Variants in GABRG3 observed in about 807,000 individuals in gnomAD.
GABRG3 encodes gamma-aminobutyric acid type A receptor subunit gamma3.
In GABRG3, 25 loss-of-function variants were observed where a neutral mutation model predicts 48.8. The ratio of observed to expected loss-of-function variants is 0.51; its 90% CI spans 0.37 to 0.72. GABRG3 has a LOEUF of 0.72. Ranked by LOEUF, GABRG3 falls within the 30% of genes least tolerant of loss-of-function variation. The pLI, the probability that GABRG3 is intolerant of heterozygous loss-of-function variation, is 0.00. For synonymous variants in GABRG3, 227 were observed against 217.6 expected, an observed-to-expected ratio of 1.04 and a Z score of -0.38; for missense variants, 394 against 577.9, an observed-to-expected ratio of 0.68 and a Z score of 3.26.
chr15:27,429,629 T>C (rs1888390622), intron 5 of GABRG3, among the ~76,000 whole-genome samples: 1 of 152,212 alleles, frequency 6.6e-6, no homozygotes, highest in Non-Finnish European at 1.5e-5. Context: ...TTGAATTTGC[T>C]TCCTTTCAGA....
At chr15:27,454,998 A>G (rs1353837069) in intron 5 of GABRG3, among the ~76,000 whole-genome samples, 3 of 152,232 alleles carry the variant, frequency 2.0e-5, no homozygotes, top group Non-Finnish European at 4.4e-5. Context: ...TTTGACTTCA[A>G]TAAACATAGG....
At chr15:27,464,614 C>G (rs1889547437) in intron 5 of GABRG3, among the ~76,000 whole-genome samples, 3 of 152,160 alleles carry the variant, frequency 2.0e-5, no homozygotes, top group South Asian at 2.1e-4. Flanking sequence ...TTTTCCCTAA[C>G]CCCTCAAATA....
chr15:27,275,616 T>C (rs1455992160), intron 3 of GABRG3, among the ~76,000 whole-genome samples: 1 of 152,194 alleles, frequency 6.6e-6, no homozygotes, highest in Non-Finnish European at 1.5e-5. Flanking sequence ...GGACTGAATT[T>C]CTGATGGTTC....
At chr15:27,171,507 C>CATATATATGT (rs1555407521) in intron 3 of GABRG3, among the ~76,000 whole-genome samples, 4 of 144,338 alleles carry the variant, frequency 2.8e-5, no homozygotes, top group Admixed American at 7.0e-5. Context: ...GCATGTCTAA[C>CATATATATGT]ATATATATAT....
At chr15:27,424,793 G>A (rs113299736) in intron 5 of GABRG3, among the ~76,000 whole-genome samples, 6,787 of 152,144 alleles carry the variant, frequency 0.045, 176 homozygotes, top group Middle Eastern at 0.11. Context: ...ACTTCAGGTA[G>A]TCTGCCCGTC....
rs528068535 is a variant in GABRG3, at chr15:27,108,412, T to C, written c.270+81591T>C. Among the ~76,000 whole-genome samples, 11 of 152,322 alleles carry C rather than the reference T, an allele frequency of 7.2e-5. No homozygotes were observed. In the East Asian group the frequency reaches 2.1e-3, roughly 29 times the overall value. ...TCCATCATGGACTGAGAATAGACTT[T>C]GTATGATTTCTGTTCTTGTAAGTGT... On this transcript the variant is annotated intron_variant, in intron 3 of 9. Coordinates refer to ENST00000615808, the MANE Select transcript of GABRG3 (RefSeq NM_033223.5).
intron 3 of GABRG3, among the ~76,000 whole-genome samples, chr15:27,028,790 A>T (rs1896028305): frequency 7.6e-6 from 1 of 131,560 alleles, no homozygotes; most frequent in Non-Finnish European, 1.6e-5. Flanking sequence ...TGGGTGACAG[A>T]GCTAGACTTC....
In GABRG3 at chr15:27,385,127, C is replaced by G. The variant is rs113368617; in HGVS notation, c.574+56239C>G. Among the ~76,000 whole-genome samples, 1,006 of 152,196 alleles carry G rather than the reference C, an allele frequency of 6.6e-3. 5 individuals are homozygous for G. The highest frequency in any genetic ancestry group is 0.012 in the Non-Finnish European group (800 of 68,016). On this transcript the variant is annotated intron_variant, in intron 5 of 9. Transcript: ENST00000615808. ...CTTCCTGACTCTGGAGTGGTCACCCCTCCTAGGGTTATTTAGCTAATTCTT... is the reference window on the plus strand; with the variant it reads ...CTTCCTGACTCTGGAGTGGTCACCCGTCCTAGGGTTATTTAGCTAATTCTT...
chr15:27,390,615 G>A (rs1351062357), intron 5 of GABRG3, among the ~76,000 whole-genome samples: 1 of 152,134 alleles, frequency 6.6e-6, no homozygotes, highest in African/African-American at 2.4e-5. Flanking sequence ...CTCTCAGCAC[G>A]TCCCTCCCAT....
intron 5 of GABRG3, among the ~76,000 whole-genome samples, chr15:27,413,640 G>A (rs1187958148): frequency 1.3e-5 from 2 of 152,108 alleles, no homozygotes; most frequent in Admixed American, 6.5e-5. Flanking sequence ...AGATCAGTGT[G>A]TATAAGTTGT....
chr15:27,271,478 T>C (rs1891086305), intron 3 of GABRG3: 2 of 449,696 alleles, frequency 4.4e-6, no homozygotes, highest in Non-Finnish European at 8.9e-6. Context: ...GCTCAGGCCA[T>C]GCCCTCAGAG....
At chr15:27,468,706 C>T (rs923123005) in intron 5 of GABRG3, among the ~76,000 whole-genome samples, 1 of 152,118 alleles carries the variant, frequency 6.6e-6, no homozygotes, top group Non-Finnish European at 1.5e-5. Context: ...TTTTATTTGA[C>T]TTAATGATCC....
At chr15:27,356,301 A>C (rs1894838043) in intron 5 of GABRG3, among the ~76,000 whole-genome samples, 1 of 152,168 alleles carries the variant, frequency 6.6e-6, no homozygotes, top group Admixed American at 6.5e-5. Flanking sequence ...GTGTAACCAA[A>C]GTTGACCTCT....
rs994278157 is a variant in GABRG3, at chr15:27,083,468, G to A, written c.270+56647G>A. Among the ~76,000 whole-genome samples, 3 of 151,996 alleles carry A rather than the reference G, an allele frequency of 2.0e-5. No individual in the cohort carries two copies. In the South Asian group the frequency reaches 6.3e-4, roughly 32 times the overall value. On this transcript the variant is annotated intron_variant, in intron 3 of 9. Coordinates refer to ENST00000615808, the MANE Select transcript of GABRG3 (RefSeq NM_033223.5). ...CTGCCTCAGCCTCCTGAGTAGCTGG[G>A]ATTACAGGCACACACCATCATGCCT... is the stretch of plus-strand genomic sequence containing the variant.
At chr15:27,001,443 C>T (rs1184073616) in intron 2 of GABRG3, among the ~76,000 whole-genome samples, 3 of 152,246 alleles carry the variant, frequency 2.0e-5, no homozygotes, top group Non-Finnish European at 4.4e-5. Flanking sequence ...CTCCCGCACA[C>T]AATGCCACTC....
rs1894838169 is a variant in GABRG3, at chr15:26,971,383, G to A, written c.-153G>A. On this transcript the variant is annotated 5_prime_UTR_variant, in exon 1 of 10. Coordinates refer to ENST00000615808, the MANE Select transcript of GABRG3 (RefSeq NM_033223.5). Reference sequence around the variant, plus strand: ...TCCAGTGTGCGCCCCGCGGGGGCGCGGCCAGCGCCAGAGTAGATACCTGTC... The same window carrying A: ...TCCAGTGTGCGCCCCGCGGGGGCGCAGCCAGCGCCAGAGTAGATACCTGTC... 1.3e-5 allele frequency: 6 copies of A among 471,310 alleles called. No homozygotes were observed. In the South Asian group the frequency reaches 4.7e-4, roughly 37 times the overall value. The allele number at this position is 471,310 out of a possible 1,614,324, so 29.2% of individuals were successfully genotyped here. A position where few individuals can be genotyped will look rare whatever the true frequency, so the allele number is the denominator to read the frequency against.
intron 3 of GABRG3, among the ~76,000 whole-genome samples, chr15:27,324,335 T>C (rs114427326): frequency 6.6e-6 from 1 of 152,084 alleles, no homozygotes; most frequent in Non-Finnish European, 1.5e-5. Flanking sequence ...ACGTGCAGTG[T>C]ATGTACTAAG....
chr15:27,235,673 C>T lies in GABRG3; in HGVS notation c.271-91136C>T, dbSNP rs77361034. On this transcript the variant is annotated intron_variant, in intron 3 of 9. Coordinates refer to ENST00000615808, the MANE Select transcript of GABRG3 (RefSeq NM_033223.5). ...GAAAACAAACAGAAGTTTATTGACA[C>T]GTATGCCTCCTGTATACATGGGCAA... Among the ~76,000 whole-genome samples, 383 of 152,258 alleles carry T rather than the reference C, an allele frequency of 2.5e-3. 6 individuals carry two copies. In the East Asian group the frequency reaches 0.037, roughly 15 times the overall value.
chr15:27,228,525 T>A (rs1364777656), intron 3 of GABRG3, among the ~76,000 whole-genome samples: 1 of 152,222 alleles, frequency 6.6e-6, no homozygotes, highest in Non-Finnish European at 1.5e-5. Flanking sequence ...GCAATGAACA[T>A]GCACATGCAT....
Sources: allele counts gnomAD v4.1 joint callset (sites outside exome capture counted in the v4.1 genomes callset), GRCh38; gene constraint gnomAD v4.1.1; transcripts MANE v1.5; gene names NCBI Gene and HGNC (gene_info 2026-07-23, HGNC 2026-07-21).